GOLGA4: variants seen among roughly 807,000 people sequenced by gnomAD.
GOLGA4 encodes the protein golgin subfamily A member 4.
In GOLGA4, 169 loss-of-function variants were observed where a neutral mutation model predicts 265.9. That is an observed-to-expected ratio of 0.64 (90% CI 0.56 to 0.72). The LOEUF is 0.72. Ranked by LOEUF, GOLGA4 falls within the 30% of genes least tolerant of loss-of-function variation. GOLGA4 has a pLI of 0.00. For missense variants in GOLGA4, 2,482 were observed against 2,483.4 expected (o/e 1.00, Z 0.01); for synonymous variants, 923 against 855.8 (o/e 1.08, Z -1.37).
At chr3:37,248,719 G>A (rs17206856) in intron 1 of GOLGA4, among the ~76,000 whole-genome samples, 41,917 of 151,474 alleles carry the variant, frequency 0.28, 7,232 homozygotes, top group Non-Finnish European at 0.39. Context: ...TGTAAACCCC[G>A]TTATTTGATT....
At chr3:37,254,452 GTTT>G (rs927556595) in intron 2 of GOLGA4, among the ~76,000 whole-genome samples, 2 of 151,056 alleles carry the variant, frequency 1.3e-5, no homozygotes, top group African/African-American at 4.9e-5. Context: ...TTTTTTGTTT[GTTT>G]TTTGTTTTTT....
At position 37,325,053 on chromosome 3, in the gene GOLGA4, A is replaced by T; in HGVS notation, c.3167A>T (p.Glu1056Val). The T allele has an allele frequency of 6.2e-7, 1 of 1,613,152 alleles. No individual in the cohort carries two copies. Among genetic ancestry groups the T allele is most frequent in the African/African-American group, 1.3e-5 (1 of 74,944 alleles). ...IWEKKLNQQA[E>V]ELQEIHEIQL... ...GAAAAGAAACTTAATCAGCAAGCTG[A>T]AGAACTTCAGGAAATACATGAAATC... Residue 1056 changes from glutamate to valine, a missense_variant, in exon 14 of 24, where the codon GAA becomes GTA. Glu to Val is a moderately radical substitution (Grantham distance 121). Coordinates refer to ENST00000361924, the MANE Select transcript of GOLGA4 (RefSeq NM_002078.5).
chr3:37,340,816 T>G (rs1207367778), intron 20 of GOLGA4, among the ~76,000 whole-genome samples: 2 of 152,224 alleles, frequency 1.3e-5, no homozygotes, highest in Non-Finnish European at 2.9e-5. Flanking sequence ...TCCATGTGGT[T>G]AATCTGTTTT....
At chr3:37,298,489 G>A (rs1046852144) in intron 7 of GOLGA4, among the ~76,000 whole-genome samples, 4 of 152,204 alleles carry the variant, frequency 2.6e-5, no homozygotes, top group Admixed American at 2.0e-4. Flanking sequence ...GAGCAGTTTA[G>A]TGGTGGTCAG....
At chr3:37,247,102 G>A (rs1333325117) in intron 1 of GOLGA4, among the ~76,000 whole-genome samples, 3 of 152,174 alleles carry the variant, frequency 2.0e-5, no homozygotes, top group Non-Finnish European at 4.4e-5. Flanking sequence ...AGAACATGAT[G>A]AAAGGCTTTA....
intron 21 of GOLGA4, among the ~76,000 whole-genome samples, chr3:37,351,925 A>T (rs966743201): frequency 2.0e-5 from 3 of 151,608 alleles, no homozygotes; most frequent in African/African-American, 7.3e-5. Context: ...CACAGGCTGC[A>T]CTAGCCTCTA....
rs34797146 is a variant in GOLGA4 at position 37,274,099 on chromosome 3, C to CAAA, written c.163-7844_163-7842dup. 2.7e-3 allele frequency among the ~76,000 whole-genome samples: 274 copies of CAAA among 101,882 alleles called. 2 individuals carry two copies. The highest frequency in any genetic ancestry group is 7.6e-3 in the East Asian group (20 of 2,616). The allele number at this position is 101,882 out of a possible 152,430, so 66.8% of individuals were successfully genotyped here. On this transcript the variant is annotated intron_variant, in intron 2 of 23. Transcript: ENST00000361924. ...TGAGCAACAGAGTGAGGCTCTGTCTCAAAAAAAAAAAAAAAAAGATAATAA... is the reference window on the plus strand; with the variant it reads ...TGAGCAACAGAGTGAGGCTCTGTCTCAAAAAAAAAAAAAAAAAAAAGATAATAA...
intron 10 of GOLGA4, among the ~76,000 whole-genome samples, chr3:37,305,235 T>C (rs1578602281): frequency 6.6e-6 from 1 of 152,202 alleles, no homozygotes. Context: ...AAATTATTAA[T>C]GGATACATTT....
intron 10 of GOLGA4, among the ~76,000 whole-genome samples, chr3:37,306,400 C>T (rs922205526): frequency 2.6e-5 from 4 of 151,990 alleles, no homozygotes; most frequent in Admixed American, 1.3e-4. Flanking sequence ...AGCTTAAGTA[C>T]ATAATGCTGT....
At chr3:37,265,505 T>C (rs2150689086) in intron 2 of GOLGA4, among the ~76,000 whole-genome samples, 1 of 152,356 alleles carries the variant, frequency 6.6e-6, no homozygotes, top group East Asian at 1.9e-4. Flanking sequence ...TTATAAATGT[T>C]ATTCTTAAGA....
chr3:37,292,633 G>A (rs2096867876), intron 5 of GOLGA4, among the ~76,000 whole-genome samples: 1 of 151,988 alleles, frequency 6.6e-6, no homozygotes, highest in African/African-American at 2.4e-5. Context: ...TTGGCAGTGA[G>A]CCTAGATCGC....
intron 1 of GOLGA4, among the ~76,000 whole-genome samples, chr3:37,248,262 A>G (rs2150581780): frequency 6.6e-6 from 1 of 152,332 alleles, no homozygotes; most frequent in South Asian, 2.1e-4. Flanking sequence ...GGCATGAGCC[A>G]CTGTGCACAG....
intron 22 of GOLGA4, among the ~76,000 whole-genome samples, chr3:37,359,203 A>C (rs1279432245): frequency 6.6e-6 from 1 of 152,106 alleles, no homozygotes; most frequent in Non-Finnish European, 1.5e-5. Flanking sequence ...AGTAGACTGG[A>C]TATTCGAGTA....
chr3:37,339,768 A>G (rs893281739), intron 19 of GOLGA4, among the ~76,000 whole-genome samples: 4 of 152,318 alleles, frequency 2.6e-5, no homozygotes, highest in African/African-American at 4.8e-5. Context: ...TATATGTACT[A>G]GAGACAAGTC....
chr3:37,358,292 C>T (rs575568693), intron 22 of GOLGA4, among the ~76,000 whole-genome samples: 1 of 152,278 alleles, frequency 6.6e-6, no homozygotes, highest in African/African-American at 2.4e-5. Flanking sequence ...AGGTACTTTT[C>T]AATATATCTT....
intron 1 of GOLGA4, 75 bp downstream of exon 1, chr3:37,243,697 G>A (rs2271547): frequency 8.1e-7 from 1 of 1,240,536 alleles, no homozygotes; most frequent in Non-Finnish European, 1.2e-6. Context: ...GAGGCGGGGG[G>A]AGTGGGGAAG....
Position 37,347,173 on chromosome 3 carries a change from T to A in GOLGA4, c.6473-20T>A, listed in dbSNP as rs2097059129. ...ACCTGGTTTTGTCTTTACAGTTTGA[T>A]CTATTTTTTTATTTGGCAGGTGGCA... On this transcript the variant is annotated intron_variant, in intron 20 of 23. Transcript: ENST00000361924. The A allele has an allele frequency of 2.1e-6, 3 of 1,436,702 alleles. No homozygotes were observed. The South Asian group carries it at 3.5e-5, about 17-fold the overall frequency. The allele number at this position is 1,436,702 out of a possible 1,614,324, so 89.0% of individuals were successfully genotyped here. A position where few individuals can be genotyped will look rare whatever the true frequency, so the allele number is the denominator to read the frequency against.
chr3:37,291,779 A>C (rs1021434148), intron 5 of GOLGA4, among the ~76,000 whole-genome samples: 1 of 152,182 alleles, frequency 6.6e-6, no homozygotes, highest in Non-Finnish European at 1.5e-5. Context: ...TAAAGGGCCT[A>C]ATTTAACTTT....
chr3:37,304,667 T>C (rs1316417338), intron 10 of GOLGA4, among the ~76,000 whole-genome samples: 1 of 152,152 alleles, frequency 6.6e-6, no homozygotes, highest in East Asian at 1.9e-4. Context: ...AATGAGGAGA[T>C]AGAAACTGAT....
Sources: allele counts gnomAD v4.1 joint callset (sites outside exome capture counted in the v4.1 genomes callset), GRCh38; gene constraint gnomAD v4.1.1; transcripts MANE v1.5; gene names NCBI Gene and HGNC (gene_info 2026-07-23, HGNC 2026-07-21).